RALYL: variants seen among roughly 807,000 people sequenced by gnomAD.
The protein encoded by RALYL is RALY RNA binding protein like.
A neutral mutation model predicts 35.1 loss-of-function variants in RALYL; 29 were observed. The observed-to-expected ratio is 0.83, with a 90% CI of 0.61 to 1.13. RALYL has a LOEUF of 1.13. Ranked by LOEUF, RALYL falls within the 50% of genes most tolerant of loss-of-function variation. RALYL has a pLI of 0.00. For missense variants in RALYL, 359 were observed against 360.4 expected, an observed-to-expected ratio of 1.00 and a Z score of 0.03; for synonymous variants, 120 against 127.6, an observed-to-expected ratio of 0.94 and a Z score of 0.40.
intron 3 of RALYL, among the ~76,000 whole-genome samples, chr8:84,783,351 C>G (rs1274334647): frequency 6.6e-6 from 1 of 152,120 alleles, no homozygotes; most frequent in Admixed American, 6.5e-5. Flanking sequence ...AAATGTGGTG[C>G]ACATCACAGG....
intron 2 of RALYL, among the ~76,000 whole-genome samples, chr8:84,719,108 C>T (rs1589178098): frequency 2.0e-5 from 3 of 152,054 alleles, no homozygotes; most frequent in Admixed American, 2.0e-4. Flanking sequence ...GTTATGGATT[C>T]CTCTGTAACC....
chr8:84,252,809 C>A (rs577401269), intron 1 of RALYL, among the ~76,000 whole-genome samples: 1 of 152,152 alleles, frequency 6.6e-6, no homozygotes, highest in African/African-American at 2.4e-5. Flanking sequence ...ATTGATAACC[C>A]CTTCAGTTTT....
At chr8:84,528,556 A>G (rs1053429624) in intron 1 of RALYL, among the ~76,000 whole-genome samples, 1 of 152,182 alleles carries the variant, frequency 6.6e-6, no homozygotes, top group Non-Finnish European at 1.5e-5. Flanking sequence ...AGTGAAGTTA[A>G]GAATAAAATT....
At chr8:84,535,998 G>C (rs774740156) in intron 2 of RALYL, among the ~76,000 whole-genome samples, 1 of 152,164 alleles carries the variant, frequency 6.6e-6, no homozygotes, top group African/African-American at 2.4e-5. Flanking sequence ...TATTTTGACA[G>C]TAACTCATAA....
At chr8:84,631,109 T>C (rs770053817) in intron 2 of RALYL, among the ~76,000 whole-genome samples, 1 of 152,012 alleles carries the variant, frequency 6.6e-6, no homozygotes, top group Non-Finnish European at 1.5e-5. Context: ...CCCTATTTCA[T>C]GTTTTGATAG....
At chr8:84,345,213 A>G (rs1849618003) in intron 1 of RALYL, among the ~76,000 whole-genome samples, 1 of 151,652 alleles carries the variant, frequency 6.6e-6, no homozygotes, top group Admixed American at 6.6e-5. Flanking sequence ...CACATCTGGG[A>G]GACAAACAGA....
At chr8:84,705,702 T>C (rs1841081137) in intron 2 of RALYL, among the ~76,000 whole-genome samples, 1 of 152,230 alleles carries the variant, frequency 6.6e-6, no homozygotes. Flanking sequence ...GCTAAATATA[T>C]GAATCTATTC....
chr8:84,800,013 A>T (rs1822876492), intron 3 of RALYL, among the ~76,000 whole-genome samples: 1 of 152,168 alleles, frequency 6.6e-6, no homozygotes, highest in Non-Finnish European at 1.5e-5. Context: ...TTAGTTTGAG[A>T]TATGTTAGCT....
In RALYL at chr8:84,755,092, T is replaced by C. The variant is rs184478246; in HGVS notation, c.257-19487T>C. On this transcript the variant is annotated intron_variant, in intron 2 of 8. Coordinates refer to ENST00000521268, the MANE Select transcript of RALYL (RefSeq NM_173848.7). ...GCTATGGAGCATTGAGGGTCAACTG[T>C]CAAGATGACTCAGGAAGAGGGCAGA... Among the ~76,000 whole-genome samples the C allele has an allele frequency of 3.3e-5, 5 of 152,204 alleles. No individual in the cohort carries two copies. The East Asian group carries it at 9.7e-4, about 29-fold the overall frequency.
intron 1 of RALYL, among the ~76,000 whole-genome samples, chr8:84,500,706 A>C (rs2056558293): frequency 6.6e-6 from 1 of 152,192 alleles, no homozygotes; most frequent in Admixed American, 6.6e-5. Context: ...ACATTTTACA[A>C]GACTGTGTAA....
intron 6 of RALYL, among the ~76,000 whole-genome samples, chr8:84,871,749 G>A (rs1446783016): frequency 6.6e-6 from 1 of 151,990 alleles, no homozygotes; most frequent in Non-Finnish European, 1.5e-5. Context: ...ACTTTGCATT[G>A]TAAATAAAAG....
intron 2 of RALYL, among the ~76,000 whole-genome samples, chr8:84,591,488 T>A (rs1813260862): frequency 1.3e-5 from 2 of 152,304 alleles, no homozygotes; most frequent in South Asian, 4.1e-4. Context: ...AAGATAAACC[T>A]AAGTTTGCAT....
intron 1 of RALYL, among the ~76,000 whole-genome samples, chr8:84,482,841 T>G (rs1296518351): frequency 1.3e-5 from 2 of 152,130 alleles, no homozygotes; most frequent in Non-Finnish European, 2.9e-5. Context: ...TGTGCACTAT[T>G]ATCAAAAATA....
At position 84,305,138 on chromosome 8, in the gene RALYL, A is replaced by G. The variant is rs1841538377; in HGVS notation, c.-24+120714A>G. On this transcript the variant is annotated intron_variant, in intron 1 of 8. Coordinates refer to ENST00000521268, the MANE Select transcript of RALYL (RefSeq NM_173848.7). ...CTAAAAGATGTATGAACTATTAAGT[A>G]AAAAAACACTCAATTATTCATTCTT... 2.6e-5 allele frequency among the ~76,000 whole-genome samples: 4 copies of G among 152,174 alleles called. No homozygotes were observed. The South Asian group carries it at 8.3e-4, about 32-fold the overall frequency.
At position 84,754,014 on chromosome 8, in the gene RALYL, A is replaced by T. The variant is rs191586767; in HGVS notation, c.257-20565A>T. ...TGTTTTTTTCTTGTAAATTTGTTTG[A>T]GTTCATTGTAGATTCTGGATATTAG... is the stretch of plus-strand genomic sequence containing the variant. On this transcript the variant is annotated intron_variant, in intron 2 of 8. Transcript: ENST00000521268. Among the ~76,000 whole-genome samples, 30 of 151,472 alleles carry T rather than the reference A, an allele frequency of 2.0e-4. No individual in the cohort carries two copies. The East Asian group carries it at 5.6e-3, about 28-fold the overall frequency.
chr8:84,512,988 G>A (rs536801402), intron 1 of RALYL, among the ~76,000 whole-genome samples: 50 of 151,996 alleles, frequency 3.3e-4, no homozygotes, highest in African/African-American at 1.0e-3. Flanking sequence ...CCTTTTTCTC[G>A]GGTTTGCTTT....
chr8:84,278,992 G>A (rs954174413), intron 1 of RALYL, among the ~76,000 whole-genome samples: 1 of 152,128 alleles, frequency 6.6e-6, no homozygotes, highest in African/African-American at 2.4e-5. Context: ...TCTGTCCTCA[G>A]GCTGTTAATA....
chr8:84,615,242 G>C (rs1252874869), intron 2 of RALYL, among the ~76,000 whole-genome samples: 2 of 151,256 alleles, frequency 1.3e-5, no homozygotes, highest in African/African-American at 4.9e-5. Flanking sequence ...GCTAGTCCCA[G>C]AGGACTGTTA....
chr8:84,680,392 ATT>A (rs1396837663), intron 2 of RALYL, among the ~76,000 whole-genome samples: 2 of 152,116 alleles, frequency 1.3e-5, no homozygotes, highest in Non-Finnish European at 2.9e-5. Context: ...GTCAAATGGT[ATT>A]TCTAGTACTA....
Sources: allele counts gnomAD v4.1 joint callset (sites outside exome capture counted in the v4.1 genomes callset), GRCh38; gene constraint gnomAD v4.1.1; transcripts MANE v1.5; gene names NCBI Gene and HGNC (gene_info 2026-07-23, HGNC 2026-07-21).